PPFIA2: variants seen among roughly 807,000 people sequenced by gnomAD.
PPFIA2 encodes the protein PPFI scaffold protein A2.
PPFIA2 carries 46 observed loss-of-function variants against 175.5 expected under a neutral mutation model. The observed-to-expected ratio is 0.26, with a 90% CI of 0.21 to 0.34. The LOEUF (loss-of-function observed/expected upper bound fraction) is 0.34. Among genes scored for constraint, PPFIA2 ranks in the 10% least tolerant of loss-of-function variants. PPFIA2 has a pLI of 1.00. For synonymous variants in PPFIA2, 568 were observed against 511.4 expected (o/e 1.11, Z -1.49); for missense variants, 1,179 against 1,506.1 (o/e 0.78, Z 3.60).
chr12:81,373,942 A>G (rs1294225305), intron 11 of PPFIA2, among the ~76,000 whole-genome samples: 1 of 152,048 alleles, frequency 6.6e-6, no homozygotes, highest in Non-Finnish European at 1.5e-5. Flanking sequence ...GTAGTTTTAT[A>G]TAACTTGTGA....
chr12:81,618,203 C>G (rs1187613198), intron 4 of PPFIA2, among the ~76,000 whole-genome samples: 1 of 151,830 alleles, frequency 6.6e-6, no homozygotes, highest in Non-Finnish European at 1.5e-5. Context: ...CAGCTCTCTA[C>G]TTTCTTAATC....
rs757522215 is a variant in PPFIA2, at chr12:81,375,871, T to C, written c.1056A>G (p.Arg352=). The change falls in exon 10 of 33, where the codon AGA becomes AGG. Residue 352 remains arginine, a synonymous_variant. Coordinates refer to ENST00000549396, the MANE Select transcript of PPFIA2 (RefSeq NM_003625.5). The part of the protein sequence containing the change: ...TLEKRYLSAQ[R]ESTSIHDMND... Reference sequence around the variant, plus strand: ...TCATGTCATGTATGGAGGTAGATTCTCTCTGAGCACTGAGGTAACGCTTTT... The same window carrying C: ...TCATGTCATGTATGGAGGTAGATTCCCTCTGAGCACTGAGGTAACGCTTTT... 3 of 1,610,980 alleles carry C rather than the reference T, an allele frequency of 1.9e-6. No individual in the cohort carries two copies. Among genetic ancestry groups the C allele is most frequent in the Non-Finnish European group, 2.5e-6 (3 of 1,177,262 alleles).
intron 3 of PPFIA2, among the ~76,000 whole-genome samples, chr12:81,686,741 T>A (rs952112048): frequency 6.6e-6 from 1 of 152,090 alleles, no homozygotes; most frequent in East Asian, 1.9e-4. Flanking sequence ...TTAATAGAGT[T>A]TTCCCTTACT....
chr12:81,399,164 C>T (rs574467070), intron 8 of PPFIA2, among the ~76,000 whole-genome samples: 2 of 151,852 alleles, frequency 1.3e-5, no homozygotes, highest in African/African-American at 2.4e-5. Context: ...TTCTTGTGTA[C>T]ATCACCAAAA....
At chr12:81,379,279 T>C (rs2037105995) in intron 9 of PPFIA2, among the ~76,000 whole-genome samples, 1 of 152,164 alleles carries the variant, frequency 6.6e-6, no homozygotes, top group African/African-American at 2.4e-5. Context: ...AAAATAAAGA[T>C]TCAATGATCT....
intron 7 of PPFIA2, among the ~76,000 whole-genome samples, chr12:81,408,843 C>A (rs547648792): frequency 3.3e-5 from 5 of 152,136 alleles, no homozygotes; most frequent in Admixed American, 1.3e-4. Context: ...ATATTCTCTA[C>A]CACTGTAATA....
At chr12:81,443,645 A>G (rs528079516) in intron 6 of PPFIA2, among the ~76,000 whole-genome samples, 1 of 152,146 alleles carries the variant, frequency 6.6e-6, no homozygotes, top group Admixed American at 6.5e-5. Context: ...TGATATGGGA[A>G]TGCTTATGGG....
Position 81,513,521 on chromosome 12 carries a change from G to A in PPFIA2, c.304-55655C>T, listed in dbSNP as rs112113388. Reference sequence around the variant, plus strand: ...AACCTAAGTTCCCATCAACCCAGTGGTTAACTTTTTATTTTGAAAGGATTT... The same window carrying A: ...AACCTAAGTTCCCATCAACCCAGTGATTAACTTTTTATTTTGAAAGGATTT... On this transcript the variant is annotated intron_variant, in intron 4 of 32. Coordinates refer to ENST00000549396, the MANE Select transcript of PPFIA2 (RefSeq NM_003625.5). Among the ~76,000 whole-genome samples the A allele has an allele frequency of 1.1e-3, 170 of 151,926 alleles. 1 individual carries two copies. The highest frequency in any genetic ancestry group is 3.4e-3 in the African/African-American group (141 of 41,504).
chr12:81,465,136 T>C (rs866747192), intron 4 of PPFIA2: 12 of 152,148 alleles, frequency 7.9e-5, no homozygotes, highest in Non-Finnish European at 1.5e-4. Flanking sequence ...AATGCATTCA[T>C]CTTGATTACA....
chr12:81,349,038 G>A (rs778543242), intron 17 of PPFIA2, among the ~76,000 whole-genome samples: 4 of 151,898 alleles, frequency 2.6e-5, no homozygotes, highest in East Asian at 1.9e-4. Context: ...AAATTTATTC[G>A]CTAAATTTAT....
At chr12:81,466,330 G>C (rs1291499722) in intron 4 of PPFIA2, among the ~76,000 whole-genome samples, 1 of 152,148 alleles carries the variant, frequency 6.6e-6, no homozygotes, top group Non-Finnish European at 1.5e-5. Context: ...GGGGATGCAA[G>C]CCTATTTAAA....
At chr12:81,310,628 CTG>C (rs1225098214) in intron 22 of PPFIA2, among the ~76,000 whole-genome samples, 5 of 152,032 alleles carry the variant, frequency 3.3e-5, no homozygotes, top group Non-Finnish European at 5.9e-5. Flanking sequence ...GACATGAAAA[CTG>C]TGTTTTAAAA....
At chr12:81,449,400 T>C (rs1337184681) in intron 5 of PPFIA2, among the ~76,000 whole-genome samples, 5 of 152,084 alleles carry the variant, frequency 3.3e-5, no homozygotes, top group Non-Finnish European at 5.9e-5. Context: ...ATAGATTTGC[T>C]TTCTCTAATG....
chr12:81,655,093 A>C (rs114574884), intron 4 of PPFIA2, among the ~76,000 whole-genome samples: 354 of 152,178 alleles, frequency 2.3e-3, no homozygotes, highest in African/African-American at 8.3e-3. Context: ...ATTCATCAGT[A>C]TAAATTCTGT....
intron 30 of PPFIA2, among the ~76,000 whole-genome samples, chr12:81,265,021 G>GA (rs1469716498): frequency 2.0e-5 from 3 of 150,152 alleles, no homozygotes; most frequent in Non-Finnish European, 4.5e-5. Flanking sequence ...GGCTGGGCGT[G>GA]GTGGCTCACG....
intron 3 of PPFIA2, among the ~76,000 whole-genome samples, chr12:81,715,425 T>G (rs2078478813): frequency 6.6e-6 from 1 of 151,778 alleles, no homozygotes; most frequent in Non-Finnish European, 1.5e-5. Flanking sequence ...ATTTTTTAAG[T>G]AGGAGATTGC....
chr12:81,640,057 GGAAAACTTAGCTGTATTTAAT>G (rs2064749926), intron 4 of PPFIA2, among the ~76,000 whole-genome samples: 1 of 151,952 alleles, frequency 6.6e-6, no homozygotes, highest in African/African-American at 2.4e-5. Context: ...TTGAAGTTTC[GGAAAACTTAGCTGTATTTAAT>G]GACCCTCAAA....
intron 5 of PPFIA2, 57 bp from the exon 6 acceptor site, chr12:81,445,777 C>T (rs922431397): frequency 1.1e-5 from 16 of 1,483,962 alleles, no homozygotes; most frequent in Admixed American, 2.0e-5. Flanking sequence ...TAAATACTTA[C>T]AAATGACTTC....
intron 21 of PPFIA2, among the ~76,000 whole-genome samples, chr12:81,333,240 G>A (rs1171026278): frequency 6.6e-6 from 1 of 152,124 alleles, no homozygotes; most frequent in African/African-American, 2.4e-5. Context: ...TCGAGATGAA[G>A]AATAATTTTG....
Sources: allele counts gnomAD v4.1 joint callset (sites outside exome capture counted in the v4.1 genomes callset), GRCh38; gene constraint gnomAD v4.1.1; transcripts MANE v1.5; gene names NCBI Gene and HGNC (gene_info 2026-07-23, HGNC 2026-07-21).